The following GLRA1 variants were observed in gnomAD, a reference collection of about 807,000 sequenced individuals.
The protein encoded by GLRA1 is glycine receptor subunit alpha-1.
GLRA1 carries 37 observed loss-of-function variants against 48.3 expected under a neutral mutation model. The observed-to-expected ratio is 0.77, with a 90% CI of 0.59 to 1.01. The LOEUF (loss-of-function observed/expected upper bound fraction) is 1.01, where lower values mean the gene tolerates loss of function less well. GLRA1 is among the 50% of genes least tolerant of loss of function. The pLI, the probability that GLRA1 is intolerant of heterozygous loss-of-function variation, is 0.00. For missense variants in GLRA1, 427 were observed against 571.0 expected (o/e 0.75, Z 2.57); for synonymous variants, 196 against 210.7 (o/e 0.93, Z 0.60).
chr5:151,856,584 T>C (rs1753051549), intron 4 of GLRA1, among the ~76,000 whole-genome samples: 1 of 152,166 alleles, frequency 6.6e-6, no homozygotes, highest in Non-Finnish European at 1.5e-5. Flanking sequence ...AATGATGCAA[T>C]AATGGCTCAC....
intron 8 of GLRA1, among the ~76,000 whole-genome samples, chr5:151,825,249 CTA>C (rs1426170183): frequency 2.0e-5 from 3 of 152,188 alleles, no homozygotes; most frequent in Non-Finnish European, 4.4e-5. Flanking sequence ...AAGTCTGACT[CTA>C]TTGCATTTCA....
At chr5:151,849,655 C>T (rs1276418797) in intron 7 of GLRA1, 5 of 186,418 alleles carry the variant, frequency 2.7e-5, no homozygotes, top group South Asian at 1.2e-4. Flanking sequence ...CAGGTTCAAG[C>T]GATTCTCCTG....
chr5:151,846,761 A>G (rs146054297), intron 7 of GLRA1, among the ~76,000 whole-genome samples: 3 of 152,360 alleles, frequency 2.0e-5, no homozygotes, highest in African/African-American at 7.2e-5. Context: ...ATCCCTCATC[A>G]TATTTTCTGA....
chr5:151,823,914 T>C (rs1234546675), intron 8 of GLRA1, among the ~76,000 whole-genome samples: 1 of 152,074 alleles, frequency 6.6e-6, no homozygotes, highest in African/African-American at 2.4e-5. Flanking sequence ...TCCAGCTTTG[T>C]TATCGTTGCA....
At chr5:151,910,724 G>T (rs1002835221) in intron 1 of GLRA1, among the ~76,000 whole-genome samples, 1 of 152,146 alleles carries the variant, frequency 6.6e-6, no homozygotes, top group Non-Finnish European at 1.5e-5. Context: ...ATAATATAAG[G>T]CTTAAGGGAG....
intron 2 of GLRA1, 94 bp downstream of exon 2, chr5:151,892,217 T>G (rs1754094188): frequency 8.8e-7 from 1 of 1,137,070 alleles, no homozygotes; most frequent in Non-Finnish European, 1.3e-6. Flanking sequence ...GGATTCACAC[T>G]GCGTATTTAC....
Position 151,822,772 on chromosome 5 carries a change from T to G in GLRA1, c.1251A>C (p.Lys417Asn). Residue 417 changes from lysine (K) to asparagine (N), a missense_variant, in exon 9 of 9, where the codon AAA becomes AAC. By Grantham distance (94) the Lys-to-Asn change is moderately conservative. Around this residue, in one of 4 missense-constraint regions of GLRA1, gnomAD observed 121 missense variants for 96.5 expected, o/e 1.25. Transcript: ENST00000274576. ...CCATGGGGAAGCCAATGCGGGATAT[T>G]TTGTCGATCTTCTTGGCCCTCTGGA... Reference protein sequence around the residue: ...LFIQRAKKIDKISRIGFPMAF... With the variant: ...LFIQRAKKIDNISRIGFPMAF... 1 of 1,613,938 alleles carries G rather than the reference T, an allele frequency of 6.2e-7. No individual in the cohort carries two copies. Among genetic ancestry groups the G allele is most frequent in the Non-Finnish European group, 8.5e-7 (1 of 1,179,900 alleles).
intron 2 of GLRA1, among the ~76,000 whole-genome samples, chr5:151,888,145 GT>G (rs1187538277): frequency 6.6e-6 from 1 of 152,238 alleles, no homozygotes; most frequent in Non-Finnish European, 1.5e-5. Flanking sequence ...TTGAACCAAA[GT>G]TTTCTGATTG....
chr5:151,841,251 CAA>C (rs1282750547), intron 7 of GLRA1, among the ~76,000 whole-genome samples: 1 of 151,868 alleles, frequency 6.6e-6, no homozygotes, highest in Non-Finnish European at 1.5e-5. Context: ...ATAAATTAAA[CAA>C]TGCATCAAAG....
In GLRA1 at chr5:151,904,663, G is replaced by A. The variant is rs76077581; in HGVS notation, c.57-12225C>T. 8.7e-3 allele frequency among the ~76,000 whole-genome samples: 1,330 copies of A among 152,294 alleles called. 18 individuals are homozygous for A. Among genetic ancestry groups the A allele is most frequent in the African/African-American group, 0.031 (1,279 of 41,550 alleles). Reference sequence around the variant, plus strand: ...GGCTTTTGCTAGCTGTGCAGCCTTGGACAAGTTACTTATTCTGTCTAAATC... The same window carrying A: ...GGCTTTTGCTAGCTGTGCAGCCTTGAACAAGTTACTTATTCTGTCTAAATC... On this transcript the variant is annotated intron_variant, in intron 1 of 8. Transcript: ENST00000274576.
intron 4 of GLRA1, among the ~76,000 whole-genome samples, chr5:151,859,007 T>A (rs1200081722): frequency 6.6e-6 from 1 of 152,214 alleles, no homozygotes; most frequent in Admixed American, 6.5e-5. Flanking sequence ...GCAGGTTACT[T>A]AAATTTTTCT....
chr5:151,859,815 G>A lies in GLRA1; in HGVS notation c.446C>T (p.Ser149Phe), dbSNP rs1484575029. 1 of 1,613,858 alleles carries A rather than the reference G, an allele frequency of 6.2e-7. No homozygotes were observed. Among genetic ancestry groups the A allele is most frequent in the South Asian group, 1.1e-5 (1 of 91,054 alleles). ...ITTDNKLLRI[S>F]RNGNVLYSIR... Reference sequence around the variant, plus strand: ...GCTGTAGAGGACATTCCCATTCCGGGAGATCCTTAGCAATTTGTTGTCTGT... The same window carrying A: ...GCTGTAGAGGACATTCCCATTCCGGAAGATCCTTAGCAATTTGTTGTCTGT... Residue 149 changes from serine (S) to phenylalanine (F), a missense_variant, in exon 4 of 9, where the codon TCC becomes TTC. Physicochemically the swap from Ser to Phe is radical, Grantham distance 155. Coordinates refer to ENST00000274576, the MANE Select transcript of GLRA1 (RefSeq NM_000171.4).
intron 1 of GLRA1, 36 bp downstream of exon 1, chr5:151,924,458 C>G: frequency 7.6e-7 from 1 of 1,312,258 alleles, no homozygotes. Context: ...CCCCCCATTT[C>G]CATCAGAGCG....
At position 151,828,985 on chromosome 5, in the gene GLRA1, A is replaced by T; in HGVS notation, c.995T>A (p.Val332Asp). The T allele has an allele frequency of 1.2e-6, 2 of 1,614,120 alleles. No individual in the cohort carries two copies. Among genetic ancestry groups the T allele is most frequent in the Non-Finnish European group, 1.7e-6 (2 of 1,179,954 alleles). ...CTTATGTTGCCGAGACACAAAGTTAACGGCAGCATATTCTAATAGGGCTGA... is the reference window on the plus strand; with the variant it reads ...CTTATGTTGCCGAGACACAAAGTTATCGGCAGCATATTCTAATAGGGCTGA... ...VFSALLEYAA[V>D]NFVSRQHKEL... The change falls in exon 8 of 9, where the codon GTT becomes GAT. Residue 332 changes from valine to aspartate, a missense_variant. Val to Asp is a radical substitution (Grantham distance 152, BLOSUM62 -3). Transcript: ENST00000274576.
intron 7 of GLRA1, among the ~76,000 whole-genome samples, chr5:151,848,377 T>G (rs1009291692): frequency 6.6e-6 from 1 of 151,426 alleles, no homozygotes; most frequent in African/African-American, 2.4e-5. Flanking sequence ...TTTCTTTTTC[T>G]TTTTTTTTAG....
intron 3 of GLRA1, among the ~76,000 whole-genome samples, chr5:151,884,476 T>G (rs1479855491): frequency 2.1e-5 from 2 of 93,794 alleles, no homozygotes; most frequent in East Asian, 4.1e-4. Context: ...CTCTACACAC[T>G]TCACATAATA....
chr5:151,922,495 T>C (rs947000179), intron 1 of GLRA1, among the ~76,000 whole-genome samples: 1 of 152,266 alleles, frequency 6.6e-6, no homozygotes, highest in Non-Finnish European at 1.5e-5. Context: ...TAGCCGTTCC[T>C]ATATTTTGAA....
intron 3 of GLRA1, among the ~76,000 whole-genome samples, chr5:151,879,255 A>G (rs1044769324): frequency 1.3e-5 from 2 of 152,044 alleles, no homozygotes; most frequent in Non-Finnish European, 2.9e-5. Flanking sequence ...TGTTTTGGCC[A>G]ATGTCTCCCA....
intron 3 of GLRA1, among the ~76,000 whole-genome samples, chr5:151,864,667 C>T (rs921341473): frequency 1.3e-5 from 2 of 152,172 alleles, no homozygotes; most frequent in South Asian, 2.1e-4. Flanking sequence ...CCCCAGGCTT[C>T]CCTGACCTCT....
Sources: gnomAD v4.1 joint callset for allele counts (sites outside exome capture counted in the v4.1 genomes callset) on GRCh38, gnomAD v4.1.1 for gene constraint, gnomAD v4.1.1 regional missense constraint, MANE v1.5 for transcripts, NCBI Gene and HGNC (gene_info 2026-07-23, HGNC 2026-07-21) for gene names.